RGS6: variants seen among roughly 807,000 people sequenced by gnomAD.
RGS6 encodes regulator of G protein signaling 6, also known as regulator of G-protein signaling 6.
Under a neutral mutation model 78.5 loss-of-function variants are expected in RGS6, and 30 were observed. The ratio of observed to expected loss-of-function variants is 0.38; its 90% confidence interval spans 0.29 to 0.52. The LOEUF (loss-of-function observed/expected upper bound fraction) is 0.52, where lower values mean the gene tolerates loss of function less well. Ranked by LOEUF, RGS6 falls within the 20% of genes least tolerant of loss-of-function variation. The pLI, the probability that RGS6 is intolerant of heterozygous loss-of-function variation, is 0.85. For missense variants in RGS6, 495 were observed against 609.7 expected (o/e 0.81, Z 1.98); for synonymous variants, 206 against 206.0 (o/e 1.00, Z 0.00).
intron 3 of RGS6, among the ~76,000 whole-genome samples, chr14:72,401,261 G>A (rs575838930): frequency 2.6e-5 from 4 of 151,878 alleles, no homozygotes; most frequent in Admixed American, 6.6e-5. Context: ...TTCTTTTTGC[G>A]TGCTTCATGT....
At chr14:71,892,101 CTG>C in the RGS6 span, among the ~76,000 whole-genome samples, 1 of 152,182 alleles carries the variant, frequency 6.6e-6, no homozygotes, top group African/African-American at 2.4e-5. Context: ...TGAAGAGTCT[CTG>C]TGTTTTTCAC....
In RGS6 at chr14:72,369,924, G is replaced by A. The variant is rs192078803; in HGVS notation, c.184+17730G>A. ...CTTAAAATATTCACTTCGAAAAGTGGTATATTTATTTCAGTAATGCTTCCA... is the reference window on the plus strand; with the variant it reads ...CTTAAAATATTCACTTCGAAAAGTGATATATTTATTTCAGTAATGCTTCCA... On this transcript the variant is annotated intron_variant, in intron 3 of 17. Coordinates refer to ENST00000553525, the MANE Select transcript of RGS6 (RefSeq NM_001204424.2). 2.6e-5 allele frequency among the ~76,000 whole-genome samples: 4 copies of A among 152,150 alleles called. No individual in the cohort carries two copies. The South Asian group carries it at 6.2e-4, about 24-fold the overall frequency.
In RGS6 at chr14:72,400,097, G is replaced by A. The variant is rs147424720; in HGVS notation, c.184+47903G>A. Among the ~76,000 whole-genome samples the A allele has an allele frequency of 2.3e-3, 349 of 152,236 alleles. 3 individuals are homozygous for A. Among genetic ancestry groups the A allele is most frequent in the African/African-American group, 8.2e-3 (342 of 41,542 alleles). On this transcript the variant is annotated intron_variant, in intron 3 of 17. Coordinates refer to ENST00000553525, the MANE Select transcript of RGS6 (RefSeq NM_001204424.2). ...AAGACACATCATTGTCTGATTCACC[G>A]AAGTTGAAATGAAGGAAAAAATGTT...
chr14:72,017,833 A>G (rs2087398413), intron 2 of RGS6, among the ~76,000 whole-genome samples: 2 of 151,652 alleles, frequency 1.3e-5, no homozygotes, highest in South Asian at 4.2e-4. Context: ...CAGGTTTGTT[A>G]TATAGGTAAA....
the RGS6 span, among the ~76,000 whole-genome samples, chr14:72,578,463 T>C: frequency 8.5e-5 from 13 of 152,304 alleles, no homozygotes; most frequent in Admixed American, 2.6e-4. Context: ...CTATTTGCAA[T>C]AACTTCCCTG....
At position 71,932,441 on chromosome 14, in the gene RGS6, G is replaced by A. The variant is rs2087965785; in HGVS notation, c.-521G>A. ...GGGCCGCGGAGCTGAACGGCTTCGCGAGTTGGGGCAGCTCCTCGCGCTCGG... is the reference window on the plus strand; with the variant it reads ...GGGCCGCGGAGCTGAACGGCTTCGCAAGTTGGGGCAGCTCCTCGCGCTCGG... On this transcript the variant is annotated 5_prime_UTR_variant, in exon 1 of 18. Transcript: ENST00000553525. The A allele has an allele frequency of 6.6e-6, 1 of 151,686 alleles. No homozygotes were observed. The highest frequency in any genetic ancestry group is 1.5e-5 in the Non-Finnish European group (1 of 67,864). 9.4% of individuals were successfully genotyped at this position (151,686 alleles called of 1,614,324 possible).
At chr14:72,014,005 G>A (rs1243158078) in intron 2 of RGS6, among the ~76,000 whole-genome samples, 1 of 152,334 alleles carries the variant, frequency 6.6e-6, no homozygotes, top group Non-Finnish European at 1.5e-5. Flanking sequence ...ATAGGGCTCA[G>A]TGTTTGATTA....
At chr14:72,345,523 T>A (rs8016720) in intron 2 of RGS6, among the ~76,000 whole-genome samples, 68,834 of 151,892 alleles carry the variant, frequency 0.45, 15,873 homozygotes, top group South Asian at 0.57. Context: ...AAAAGAGGGT[T>A]GGAAAGAAGA....
intron 2 of RGS6, among the ~76,000 whole-genome samples, chr14:72,103,462 T>G (rs902625059): frequency 3.3e-5 from 5 of 152,220 alleles, no homozygotes; most frequent in Admixed American, 2.6e-4. Context: ...ACAACAACTT[T>G]CATTATCTCT....
chr14:72,516,261 G>A (rs965964064), intron 14 of RGS6, among the ~76,000 whole-genome samples: 2 of 152,260 alleles, frequency 1.3e-5, no homozygotes, highest in East Asian at 1.9e-4. Flanking sequence ...CAAGCCTCCC[G>A]GCCACTTCCT....
chr14:72,602,688 T>C, the RGS6 span, among the ~76,000 whole-genome samples: 3 of 152,204 alleles, frequency 2.0e-5, no homozygotes, highest in South Asian at 6.2e-4. Flanking sequence ...TTCCATTATG[T>C]AATTGGAAAT....
intron 3 of RGS6, among the ~76,000 whole-genome samples, chr14:72,353,975 C>G (rs1414598550): frequency 7.7e-6 from 1 of 129,548 alleles, no homozygotes; most frequent in East Asian, 2.0e-4. Context: ...CAGAGCGAGA[C>G]TCTGTCTCAG....
chr14:71,989,623 A>T (rs1247638936), intron 2 of RGS6, among the ~76,000 whole-genome samples: 1 of 152,128 alleles, frequency 6.6e-6, no homozygotes, highest in African/African-American at 2.4e-5. Flanking sequence ...GCAGAGCCAG[A>T]CCTCTTGACC....
intron 2 of RGS6, among the ~76,000 whole-genome samples, chr14:72,006,921 G>C (rs1301225196): frequency 6.6e-6 from 1 of 152,156 alleles, no homozygotes; most frequent in Non-Finnish European, 1.5e-5. Context: ...TGAACACACT[G>C]TCCATAGAAG....
In RGS6 at chr14:71,939,528, T is replaced by C. The variant is rs144593981; in HGVS notation, c.-21+6587T>C. On this transcript the variant is annotated intron_variant, in intron 1 of 17. Coordinates refer to ENST00000553525, the MANE Select transcript of RGS6 (RefSeq NM_001204424.2). ...TACCCCTGAGGTAGGACAGTAAAGG[T>C]ATATTGCTAGCCTTGCCAGCTGAAG... 8.2e-3 allele frequency among the ~76,000 whole-genome samples: 1,250 copies of C among 152,280 alleles called. 8 individuals are homozygous for C. The highest frequency in any genetic ancestry group is 0.028 in the African/African-American group (1,176 of 41,544).
intron 2 of RGS6, among the ~76,000 whole-genome samples, chr14:72,122,836 T>A (rs2096086912): frequency 6.6e-6 from 1 of 151,722 alleles, no homozygotes; most frequent in Non-Finnish European, 1.5e-5. Flanking sequence ...TAGATTGAAA[T>A]GAAAAGCCAG....
intron 3 of RGS6, among the ~76,000 whole-genome samples, chr14:72,394,316 T>C (rs1395866103): frequency 6.6e-6 from 1 of 152,016 alleles, no homozygotes; most frequent in Non-Finnish European, 1.5e-5. Context: ...ACAAATATGG[T>C]GTGGGTCACA....
chr14:71,969,863 T>G (rs541542391), intron 2 of RGS6, among the ~76,000 whole-genome samples: 2 of 152,352 alleles, frequency 1.3e-5, no homozygotes, highest in South Asian at 4.1e-4. Context: ...TTTTGATCTT[T>G]CGTAAATTAG....
chr14:71,902,572 T>C, the RGS6 span, among the ~76,000 whole-genome samples: 1 of 152,080 alleles, frequency 6.6e-6, no homozygotes. Flanking sequence ...TTTGGAAACG[T>C]AAGATTCATA....
Sources: gnomAD v4.1 joint callset for allele counts (sites outside exome capture counted in the v4.1 genomes callset) on GRCh38, gnomAD v4.1.1 for gene constraint, MANE v1.5 for transcripts, NCBI Gene and HGNC (gene_info 2026-07-23, HGNC 2026-07-21) for gene names.